The following MAMLD1 variants were observed in gnomAD, a reference collection of about 807,000 sequenced individuals.
The protein encoded by MAMLD1 is mastermind-like domain-containing protein 1.
MAMLD1 carries 14 observed loss-of-function variants against 45.0 expected under a neutral mutation model. The ratio of observed to expected loss-of-function variants is 0.31; its 90% CI spans 0.21 to 0.49. The LOEUF (loss-of-function observed/expected upper bound fraction) is 0.49, where lower values mean the gene tolerates loss of function less well. Among genes scored for constraint, MAMLD1 ranks in the 20% least tolerant of loss-of-function variants. The pLI, the probability that MAMLD1 is intolerant of heterozygous loss-of-function variation, is 0.99. For synonymous variants in MAMLD1, 254 were observed against 247.8 expected (o/e 1.02, Z -0.24); for missense variants, 543 against 603.6 (o/e 0.90, Z 1.05).
chrX:150,503,490 C>G lies in MAMLD1; in HGVS notation c.2257C>G (p.Pro753Ala). 1.7e-6 allele frequency: 2 copies of G among 1,172,525 alleles called. No homozygotes were observed. Among genetic ancestry groups the G allele is most frequent in the Non-Finnish European group, 2.3e-6 (2 of 861,748 alleles). The change falls in exon 6 of 8, where the codon CCA becomes GCA. Residue 753 changes from proline (P) to alanine (A), a missense_variant. Coordinates refer to ENST00000370401, the MANE Select transcript of MAMLD1 (RefSeq NM_005491.5). Reference protein sequence around the residue: ...DPKAWRQVPAPLLPSCDATAR... With the variant: ...DPKAWRQVPAALLPSCDATAR... ...GAAGGCCTGGAGGCAGGTGCCCGCT[C>G]CACTACTGCCTAGCTGCGACGCCAC... is the stretch of plus-strand genomic sequence containing the variant.
At chrX:150,503,048 G>T (rs782278068) in intron 5 of MAMLD1, among the ~76,000 whole-genome samples, 1 of 112,233 alleles carries the variant, frequency 8.9e-6, no homozygotes, top group Non-Finnish European at 1.9e-5. Context: ...CACCATAAGT[G>T]CTTTTTCTGT....
intron 2 of MAMLD1, among the ~76,000 whole-genome samples, chrX:150,456,806 AC>A (rs1557405354): frequency 1.8e-5 from 2 of 112,302 alleles, no homozygotes; most frequent in Admixed American, 1.9e-4. Context: ...CGAGGAGCTC[AC>A]CTTTTCAGGG....
intron 2 of MAMLD1, among the ~76,000 whole-genome samples, chrX:150,452,835 G>A (rs978882988): frequency 2.0e-5 from 2 of 98,480 alleles, no homozygotes; most frequent in Non-Finnish European, 4.0e-5. Flanking sequence ...TCCCACCTAT[G>A]AGTGAGAATA....
At chrX:150,444,199 A>G (rs1602829483) in intron 1 of MAMLD1, among the ~76,000 whole-genome samples, 1 of 111,716 alleles carries the variant, frequency 9.0e-6, no homozygotes, top group Non-Finnish European at 1.9e-5. Context: ...CATTACTGCT[A>G]TGTGGGGGTG....
At chrX:150,505,865 C>T (rs1214052657) in intron 6 of MAMLD1, among the ~76,000 whole-genome samples, 1 of 112,651 alleles carries the variant, frequency 8.9e-6, no homozygotes, top group African/African-American at 3.2e-5. Context: ...TCCATCCGTC[C>T]TCCAACTAGG....
chrX:150,383,573 G>T (rs1331925702), intron 1 of MAMLD1, among the ~76,000 whole-genome samples: 2 of 111,240 alleles, frequency 1.8e-5, no homozygotes, highest in Non-Finnish European at 3.8e-5. Context: ...TGCAGCAGTT[G>T]TAAATGGTAT....
At chrX:150,379,310 C>T (rs1175603248) in intron 1 of MAMLD1, among the ~76,000 whole-genome samples, 1 of 111,812 alleles carries the variant, frequency 8.9e-6, no homozygotes, top group Non-Finnish European at 1.9e-5. Flanking sequence ...TATATAGAAG[C>T]TAGTTTCAGA....
At chrX:150,451,308 A>C (rs2035656739) in intron 2 of MAMLD1, among the ~76,000 whole-genome samples, 1 of 111,789 alleles carries the variant, frequency 8.9e-6, no homozygotes, top group African/African-American at 3.3e-5. Context: ...AGGTTTCTGG[A>C]GGTGGAACTG....
intron 1 of MAMLD1, among the ~76,000 whole-genome samples, chrX:150,384,593 C>T (rs1006033803): frequency 3.6e-5 from 4 of 111,588 alleles, no homozygotes; most frequent in African/African-American, 9.8e-5. Context: ...TGGTATTATT[C>T]GCAGCACAAA....
chrX:150,479,456 G>A (rs1408971477), intron 5 of MAMLD1, among the ~76,000 whole-genome samples: 1 of 112,273 alleles, frequency 8.9e-6, no homozygotes, highest in Non-Finnish European at 1.9e-5. Flanking sequence ...CAAGTTTTTT[G>A]TTTTGTTTTT....
intron 1 of MAMLD1, among the ~76,000 whole-genome samples, chrX:150,366,352 A>G (rs1429896122): frequency 8.9e-6 from 1 of 112,002 alleles, no homozygotes; most frequent in Non-Finnish European, 1.9e-5. Flanking sequence ...GCGCATACAC[A>G]CATCCCAAAT....
At chrX:150,383,568 C>T (rs1339600846) in intron 1 of MAMLD1, among the ~76,000 whole-genome samples, 2 of 111,316 alleles carry the variant, frequency 1.8e-5, no homozygotes, top group African/African-American at 6.5e-5. Flanking sequence ...TTCTATGCAG[C>T]AGTTGTAAAT....
chrX:150,452,909 A>T (rs1174142882), intron 2 of MAMLD1, among the ~76,000 whole-genome samples: 6 of 110,795 alleles, frequency 5.4e-5, no homozygotes, highest in Non-Finnish European at 9.5e-5. Flanking sequence ...AATTTCATCC[A>T]TGTCCCTACA....
chrX:150,432,399 G>A (rs2034985402), intron 1 of MAMLD1, among the ~76,000 whole-genome samples: 1 of 111,779 alleles, frequency 8.9e-6, no homozygotes, highest in African/African-American at 3.3e-5. Flanking sequence ...TTCTTTTGCT[G>A]TGCAGAAGTT....
chrX:150,489,987 A>T (rs1557407878), intron 5 of MAMLD1, among the ~76,000 whole-genome samples: 1 of 111,806 alleles, frequency 8.9e-6, no homozygotes, highest in Non-Finnish European at 1.9e-5. Context: ...CTTGAGCCAA[A>T]GTCACCTACT....
At chrX:150,459,013 T>C (rs1443677256) in intron 2 of MAMLD1, among the ~76,000 whole-genome samples, 1 of 112,586 alleles carries the variant, frequency 8.9e-6, no homozygotes, top group Non-Finnish European at 1.9e-5. Flanking sequence ...TAAATGTTCT[T>C]ATAGCAACTA....
chrX:150,459,841 T>TGGAG (rs1290494218), intron 2 of MAMLD1, among the ~76,000 whole-genome samples: 6 of 89,610 alleles, frequency 6.7e-5, no homozygotes, highest in African/African-American at 2.1e-4. Flanking sequence ...GAGGGAGGGA[T>TGGAG]GGAGGGAGGG....
intron 1 of MAMLD1, among the ~76,000 whole-genome samples, chrX:150,377,466 T>C (rs1557401488): frequency 1.8e-5 from 2 of 112,690 alleles, no homozygotes; most frequent in Non-Finnish European, 3.7e-5. Flanking sequence ...AGGAGGTCTA[T>C]ATCTCTGAGA....
chrX:150,380,519 T>A (rs940680509), intron 1 of MAMLD1, among the ~76,000 whole-genome samples: 6 of 111,913 alleles, frequency 5.4e-5, no homozygotes, highest in African/African-American at 9.7e-5. Context: ...ATGCAAAAAA[T>A]TTTTTTATGT....
Sources: gnomAD v4.1 joint callset for allele counts (sites outside exome capture counted in the v4.1 genomes callset) on GRCh38, gnomAD v4.1.1 for gene constraint, MANE v1.5 for transcripts, NCBI Gene and HGNC (gene_info 2026-07-23, HGNC 2026-07-21) for gene names.